The following ADAM22 variants were observed in gnomAD, a reference collection of about 807,000 sequenced individuals.
ADAM22 encodes the protein ADAM metallopeptidase domain 22, also known as disintegrin and metalloproteinase domain-containing protein 22.
A neutral mutation model predicts 144.6 loss-of-function variants in ADAM22; 65 were observed. The ratio of observed to expected loss-of-function variants is 0.45; its 90% confidence interval spans 0.37 to 0.55. The LOEUF (loss-of-function observed/expected upper bound fraction) is 0.55, where lower values mean the gene tolerates loss of function less well. ADAM22 is among the 20% of genes least tolerant of loss of function. The pLI is 0.00. For missense variants in ADAM22, 974 were observed against 1,184.9 expected (o/e 0.82, Z 2.61); for synonymous variants, 391 against 412.6 (o/e 0.95, Z 0.63).
chr7:88,127,203 G>A (rs1830627555), intron 8 of ADAM22, among the ~76,000 whole-genome samples: 4 of 151,716 alleles, frequency 2.6e-5, no homozygotes, highest in Admixed American at 2.6e-4. Flanking sequence ...TTGAATTATG[G>A]ACTGAAAGAA....
intron 4 of ADAM22, among the ~76,000 whole-genome samples, chr7:88,102,480 C>G (rs1171427165): frequency 6.6e-6 from 1 of 152,058 alleles, no homozygotes; most frequent in Non-Finnish European, 1.5e-5. Context: ...GATGCTGATG[C>G]CTGGACCCCA....
chr7:88,021,147 C>A (rs1186923131), intron 3 of ADAM22, among the ~76,000 whole-genome samples: 2 of 152,192 alleles, frequency 1.3e-5, no homozygotes, highest in African/African-American at 4.8e-5. Flanking sequence ...TTGCTATGAA[C>A]CATAAAGGTC....
intron 3 of ADAM22, among the ~76,000 whole-genome samples, chr7:87,988,832 T>C (rs911975291): frequency 2.0e-5 from 3 of 152,210 alleles, no homozygotes; most frequent in East Asian, 1.9e-4. Context: ...CCCTCTCTAG[T>C]AGACATGGTA....
At chr7:88,009,763 A>C (rs1794941201) in intron 3 of ADAM22, among the ~76,000 whole-genome samples, 1 of 151,972 alleles carries the variant, frequency 6.6e-6, no homozygotes, top group African/African-American at 2.4e-5. Flanking sequence ...TATCCCTACT[A>C]CCCTATCCTT....
Position 87,935,056 on chromosome 7 carries a change from G to A in ADAM22, c.116G>A (p.Arg39Lys), listed in dbSNP as rs1485178477. Residue 39 changes from arginine to lysine, a missense_variant, in exon 2 of 32, where the codon AGG (arginine) becomes AAG (lysine). Arg to Lys is a conservative substitution (Grantham distance 26, BLOSUM62 2). Transcript: ENST00000413139. ...GDASLMELEK[R>K]KENRFVERQS... ...GCCTCATTGATGGAGCTAGAGAAGA[G>A]GAAGGAAAACCGCTTCGTGGAGCGC... The A allele has an allele frequency of 2.5e-6, 4 of 1,614,104 alleles. No homozygotes were observed. In the African/African-American group the frequency reaches 5.3e-5, roughly 22 times the overall value.
At chr7:87,953,416 G>T (rs1457466385) in intron 2 of ADAM22, among the ~76,000 whole-genome samples, 1 of 152,124 alleles carries the variant, frequency 6.6e-6, no homozygotes, top group South Asian at 2.1e-4. Context: ...AGTCATTCAG[G>T]AGCAGGTTGT....
At chr7:88,026,382 A>G (rs1799033670) in intron 3 of ADAM22, among the ~76,000 whole-genome samples, 1 of 152,116 alleles carries the variant, frequency 6.6e-6, no homozygotes, top group African/African-American at 2.4e-5. Context: ...TAACTTATTT[A>G]CCCACTATCA....
intron 3 of ADAM22, among the ~76,000 whole-genome samples, chr7:88,027,380 A>G (rs1242352093): frequency 6.6e-6 from 1 of 152,144 alleles, no homozygotes; most frequent in East Asian, 1.9e-4. Flanking sequence ...TTTTGCTGAG[A>G]GACTTTTTAA....
chr7:88,141,661 G>C (rs769976453), intron 14 of ADAM22, among the ~76,000 whole-genome samples: 9 of 151,834 alleles, frequency 5.9e-5, no homozygotes, highest in Admixed American at 3.3e-4. Flanking sequence ...TTTTAATTCA[G>C]TATTTAACAC....
chr7:88,005,915 C>T (rs1793721319), intron 3 of ADAM22, among the ~76,000 whole-genome samples: 1 of 151,766 alleles, frequency 6.6e-6, no homozygotes, highest in Non-Finnish European at 1.5e-5. Context: ...AACATAAATA[C>T]CACAAAAACC....
At chr7:88,028,509 T>C (rs186031360) in intron 3 of ADAM22, among the ~76,000 whole-genome samples, 1 of 152,178 alleles carries the variant, frequency 6.6e-6, no homozygotes, top group Non-Finnish European at 1.5e-5. Context: ...TGTTCTATAA[T>C]GCAGATTAAG....
At chr7:88,083,688 A>G (rs910763716) in intron 4 of ADAM22, among the ~76,000 whole-genome samples, 4 of 150,532 alleles carry the variant, frequency 2.7e-5, no homozygotes, top group Non-Finnish European at 5.9e-5. Context: ...GTCAGTAAAT[A>G]CCTCCTGTAT....
chr7:88,031,818 C>T (rs908536392), intron 3 of ADAM22, among the ~76,000 whole-genome samples: 3 of 152,250 alleles, frequency 2.0e-5, no homozygotes, highest in Admixed American at 6.5e-5. Context: ...CAGGACACTG[C>T]TCCCTCTGTC....
At chr7:88,153,376 G>A (rs776784586) in intron 21 of ADAM22, 50 bp downstream of exon 21, 1 of 1,484,692 alleles carries the variant, frequency 6.7e-7, no homozygotes, top group South Asian at 1.2e-5. Flanking sequence ...AATTACAAGT[G>A]TACTTTTTTG....
chr7:88,078,044 C>T (rs1815186419), intron 4 of ADAM22, among the ~76,000 whole-genome samples: 1 of 152,200 alleles, frequency 6.6e-6, no homozygotes, highest in Non-Finnish European at 1.5e-5. Flanking sequence ...CAGAATGCCT[C>T]CTCAAGTGGG....
chr7:88,039,872 A>G (rs2129471575), intron 3 of ADAM22, among the ~76,000 whole-genome samples: 1 of 152,008 alleles, frequency 6.6e-6, no homozygotes, highest in East Asian at 1.9e-4. Context: ...TCTCATCCTC[A>G]AAACTCTTAA....
intron 25 of ADAM22, among the ~76,000 whole-genome samples, chr7:88,169,621 A>G (rs1333725455): frequency 6.6e-6 from 1 of 152,088 alleles, no homozygotes; most frequent in Non-Finnish European, 1.5e-5. Flanking sequence ...CTTAAAACCT[A>G]TGGGCCTCTT....
chr7:87,962,716 TACA>T (rs1194670805), intron 2 of ADAM22, among the ~76,000 whole-genome samples: 1 of 152,036 alleles, frequency 6.6e-6, no homozygotes, highest in Admixed American at 6.6e-5. Flanking sequence ...CCCCAGTAGC[TACA>T]ACAACAAGCA....
At chr7:88,072,404 T>C (rs886317422) in intron 3 of ADAM22, among the ~76,000 whole-genome samples, 2 of 152,310 alleles carry the variant, frequency 1.3e-5, no homozygotes, top group South Asian at 2.1e-4. Context: ...ATTATTATTA[T>C]TACTACTACT....
Sources: gnomAD v4.1 joint callset for allele counts (sites outside exome capture counted in the v4.1 genomes callset) on GRCh38, gnomAD v4.1.1 for gene constraint, MANE v1.5 for transcripts, NCBI Gene and HGNC (gene_info 2026-07-23, HGNC 2026-07-21) for gene names.